Variants in SMAP2 observed in about 807,000 individuals in gnomAD.
SMAP2 encodes stromal membrane-associated protein 2.
In SMAP2, 25 loss-of-function variants were observed where a neutral mutation model predicts 56.4. That is an observed-to-expected ratio of 0.44 (90% CI 0.32 to 0.62). SMAP2 has a LOEUF of 0.62. Ranked by LOEUF, SMAP2 falls within the 20% of genes least tolerant of loss-of-function variation. SMAP2 has a pLI of 0.04. For missense variants in SMAP2, 388 were observed against 545.6 expected (o/e 0.71, Z 2.88); for synonymous variants, 157 against 181.7 (o/e 0.86, Z 1.09).
intron 1 of SMAP2, among the ~76,000 whole-genome samples, chr1:40,398,580 G>GTAA (rs1279751945): frequency 3.3e-5 from 5 of 152,182 alleles, no homozygotes; most frequent in African/African-American, 1.2e-4. Context: ...TCATAAAGAT[G>GTAA]TAATAATGAA....
intron 1 of SMAP2, among the ~76,000 whole-genome samples, chr1:40,402,764 G>C (rs774949200): frequency 1.3e-5 from 2 of 152,172 alleles, no homozygotes; most frequent in Non-Finnish European, 2.9e-5. Flanking sequence ...CTCTTCATGA[G>C]ATCCACTATT....
chr1:40,395,014 G>GTATATCACTTC (rs1030852652), intron 1 of SMAP2, among the ~76,000 whole-genome samples: 2 of 152,142 alleles, frequency 1.3e-5, no homozygotes, highest in African/African-American at 2.4e-5. Flanking sequence ...AGGAAGTGAT[G>GTATATCACTTC]TCACTCTTGG....
At chr1:40,351,825 A>G (rs1418550705) in intron 1 of SMAP2, among the ~76,000 whole-genome samples, 1 of 151,698 alleles carries the variant, frequency 6.6e-6, no homozygotes, top group Non-Finnish European at 1.5e-5. Flanking sequence ...TTTAATAGAG[A>G]CATGGCTTTA....
intron 1 of SMAP2, among the ~76,000 whole-genome samples, chr1:40,399,180 T>G (rs1644802821): frequency 6.6e-6 from 1 of 152,102 alleles, no homozygotes; most frequent in Non-Finnish European, 1.5e-5. Flanking sequence ...AGCCTTGCTC[T>G]GTTGCCCAGG....
intron 1 of SMAP2, among the ~76,000 whole-genome samples, chr1:40,353,996 G>A (rs1238172005): frequency 2.0e-5 from 3 of 152,104 alleles, no homozygotes; most frequent in African/African-American, 7.2e-5. Flanking sequence ...ATAGGTTGAG[G>A]ATGGCAAAGC....
At chr1:40,379,376 A>G (rs977080262) in intron 1 of SMAP2, among the ~76,000 whole-genome samples, 2 of 152,124 alleles carry the variant, frequency 1.3e-5, no homozygotes, top group Non-Finnish European at 2.9e-5. Flanking sequence ...AAATGGTAGC[A>G]TATTACCCAC....
chr1:40,382,620 A>G (rs1644609698), intron 1 of SMAP2, among the ~76,000 whole-genome samples: 1 of 152,216 alleles, frequency 6.6e-6, no homozygotes, highest in South Asian at 2.1e-4. Context: ...TACCACATTG[A>G]AAAGGTAAGA....
At position 40,364,281 on chromosome 1, in the gene SMAP2, A is replaced by C. The variant is rs151263274; in HGVS notation, c.55+1845A>C. The stretch of plus-strand genomic sequence containing the variant: ...TTATTTATGTGAGTTGGGGTTTCAA[A>C]ATACTCTGATTTAAAGAAAAAAAAG... On this transcript the variant is annotated intron_variant, in intron 2 of 6. Coordinates refer to the SMAP2 transcript ENST00000435168. 5.3e-5 allele frequency among the ~76,000 whole-genome samples: 8 copies of C among 152,222 alleles called. 1 individual carries two copies. In the East Asian group the frequency reaches 1.5e-3, roughly 29 times the overall value.
intron 4 of SMAP2, among the ~76,000 whole-genome samples, chr1:40,411,485 G>A (rs535407291): frequency 6.6e-6 from 1 of 152,254 alleles, no homozygotes; most frequent in African/African-American, 2.4e-5. Context: ...TGCCCTCAGG[G>A]TATTCATGAT....
rs1644964389 is a variant in SMAP2, at chr1:40,414,181, A to G, written c.512A>G (p.Gln171Arg). The G allele has an allele frequency of 6.2e-7, 1 of 1,614,180 alleles. No individual in the cohort carries two copies. The change falls in exon 6 of 10, where the codon CAG (glutamine) becomes CGG (arginine). Residue 171 changes from glutamine (Q) to arginine (R), a missense_variant. Gln to Arg is a conservative substitution (Grantham distance 43). Transcript: ENST00000372718. ...VKMPQKKEDP[Q>R]LPRKSSPKST... Reference sequence around the variant, plus strand: ...TAGCCACAGAAAAAAGAAGACCCACAGCTACCTCGGAAAAGCTCCCCGAAA... The same window carrying G: ...TAGCCACAGAAAAAAGAAGACCCACGGCTACCTCGGAAAAGCTCCCCGAAA...
chr1:40,373,824 A>G lies in SMAP2; in HGVS notation c.-297A>G, dbSNP rs896133978. 6 of 268,582 alleles carry G rather than the reference A, an allele frequency of 2.2e-5. No individual in the cohort carries two copies. The highest frequency in any genetic ancestry group is 4.5e-5 in the African/African-American group (2 of 44,230). 16.6% of individuals were successfully genotyped at this position (268,582 alleles called of 1,614,324 possible). A position where few individuals can be genotyped will look rare whatever the true frequency, so the allele number is the denominator to read the frequency against. On this transcript the variant is annotated 5_prime_UTR_variant, in exon 1 of 10. Coordinates refer to ENST00000372718, the MANE Select transcript of SMAP2 (RefSeq NM_022733.3). ...GGCCAGAGGGTCATCTGCGTCCGGC[A>G]CCCAGGAGGCTCGTGGTCCGCCTTT...
Position 40,385,485 on chromosome 1 carries a change from G to A in SMAP2, c.103+11262G>A, listed in dbSNP as rs951003515. On this transcript the variant is annotated intron_variant, in intron 1 of 9. Coordinates refer to ENST00000372718, the MANE Select transcript of SMAP2 (RefSeq NM_022733.3). The surrounding 1 kb of genome is among the most constrained non-coding windows in gnomAD (Gnocchi z 4.5). ...TTCTTAATCTGAAACAATGAGAACTGGGTTCCTCAGGCCTCATGTCATTTC... is the reference window on the plus strand; with the variant it reads ...TTCTTAATCTGAAACAATGAGAACTAGGTTCCTCAGGCCTCATGTCATTTC... 6.6e-6 allele frequency among the ~76,000 whole-genome samples: 1 copy of A among 152,178 alleles called. No homozygotes were observed. Among genetic ancestry groups the A allele is most frequent in the Admixed American group, 6.5e-5 (1 of 15,270 alleles).
chr1:40,380,626 T>C (rs1016473959), intron 1 of SMAP2, among the ~76,000 whole-genome samples: 24 of 150,976 alleles, frequency 1.6e-4, no homozygotes, highest in African/African-American at 5.9e-4. Context: ...ACTTCCCGGG[T>C]TCAAGCCATT....
rs1196203322 is a variant in SMAP2 at position 40,415,387 on chromosome 1, T to A, written c.681+6T>A. On this transcript the variant is annotated splice_donor_region_variant and intron_variant, in intron 7 of 9. Transcript: ENST00000372718. ...CTTCTTCCGGTTCCAGAAAGGTGAG[T>A]CTTGTGGGCTCCTCAGGATTAAAGA... 2 of 1,541,766 alleles carry A rather than the reference T, an allele frequency of 1.3e-6. No homozygotes were observed. The highest frequency in any genetic ancestry group is 4.5e-5 in the East Asian group (2 of 44,578).
intron 1 of SMAP2, among the ~76,000 whole-genome samples, chr1:40,359,988 T>TTTC (rs1263114375): frequency 6.7e-6 from 1 of 148,598 alleles, no homozygotes; most frequent in East Asian, 2.0e-4. Context: ...GACAGACTTT[T>TTTC]TTCTTCTTCT....
chr1:40,410,086 T>C (rs374269173), intron 4 of SMAP2, among the ~76,000 whole-genome samples: 107 of 151,610 alleles, frequency 7.1e-4, no homozygotes, highest in African/African-American at 2.5e-3. Flanking sequence ...CTACAAAAAA[T>C]TTAAAAATTA....
At chr1:40,366,009 G>T (rs2124184005) in intron 2 of SMAP2, among the ~76,000 whole-genome samples, 1 of 145,200 alleles carries the variant, frequency 6.9e-6, no homozygotes, top group Non-Finnish European at 1.5e-5. Flanking sequence ...GTGCTTAAAG[G>T]AGCTGATGGA....
intron 4 of SMAP2, among the ~76,000 whole-genome samples, chr1:40,411,227 A>G (rs1644932823): frequency 6.6e-6 from 1 of 152,210 alleles, no homozygotes; most frequent in Admixed American, 6.5e-5. Flanking sequence ...ACTTGTCAAT[A>G]TCATATCTGT....
intron 1 of SMAP2, among the ~76,000 whole-genome samples, chr1:40,360,522 C>G (rs1644455497): frequency 6.6e-6 from 1 of 151,954 alleles, no homozygotes; most frequent in Non-Finnish European, 1.5e-5. Flanking sequence ...AGGCTGGTCT[C>G]AAACTTCTGA....
Sources: allele counts gnomAD v4.1 joint callset (sites outside exome capture counted in the v4.1 genomes callset), GRCh38; gene constraint gnomAD v4.1.1; non-coding constraint Gnocchi (gnomAD v3.1); transcripts MANE v1.5; gene names NCBI Gene and HGNC (gene_info 2026-07-23, HGNC 2026-07-21).